ELP4: variants seen among roughly 807,000 people sequenced by gnomAD.
The protein encoded by ELP4 is elongator acetyltransferase complex subunit 4, also known as elongator complex protein 4.
Under a neutral mutation model 48.9 loss-of-function variants are expected in ELP4, and 51 were observed. The observed-to-expected ratio is 1.04, with a 90% CI of 0.83 to 1.32. The LOEUF is 1.32. ELP4 is among the 40% of genes most tolerant of loss of function. The pLI is 0.00. For missense variants in ELP4, 519 were observed against 514.6 expected (o/e 1.01, Z -0.08); for synonymous variants, 210 against 189.2 (o/e 1.11, Z -0.90).
intron 9 of ELP4, among the ~76,000 whole-genome samples, chr11:31,687,928 A>G (rs2134133754): frequency 6.6e-6 from 1 of 152,330 alleles, no homozygotes; most frequent in South Asian, 2.1e-4. Context: ...CCATGAATGC[A>G]CAGGATTAAA....
At chr11:31,763,303 C>T (rs1023603147) in intron 9 of ELP4, 1 of 997,276 alleles carries the variant, frequency 1.0e-6, no homozygotes. Context: ...TAAAAAGATA[C>T]ACAATTGAGA....
At chr11:31,561,737 C>T (rs1310522901) in intron 3 of ELP4, among the ~76,000 whole-genome samples, 1 of 152,142 alleles carries the variant, frequency 6.6e-6, no homozygotes, top group East Asian at 1.9e-4. Flanking sequence ...AGCCACCATG[C>T]CTGGCCTGAA....
At chr11:31,706,135 A>G (rs921839976) in intron 9 of ELP4, among the ~76,000 whole-genome samples, 2 of 152,182 alleles carry the variant, frequency 1.3e-5, no homozygotes, top group Non-Finnish European at 2.9e-5. Flanking sequence ...ATTGACATAT[A>G]ATAATTGTAC....
intron 9 of ELP4, among the ~76,000 whole-genome samples, chr11:31,770,510 A>G (rs1022386656): frequency 6.6e-6 from 1 of 151,348 alleles, no homozygotes; most frequent in African/African-American, 2.4e-5. Context: ...TGTTACCTAA[A>G]TGATTTTTTT....
chr11:31,641,921 G>A (rs185863047), intron 7 of ELP4, among the ~76,000 whole-genome samples: 11 of 152,048 alleles, frequency 7.2e-5, no homozygotes, highest in East Asian at 1.9e-4. Context: ...AAGGCAGGGC[G>A]TGAGCTTTTG....
intron 3 of ELP4, among the ~76,000 whole-genome samples, chr11:31,583,290 C>A (rs764420414): frequency 6.6e-6 from 1 of 152,024 alleles, no homozygotes; most frequent in Non-Finnish European, 1.5e-5. Context: ...ATTCTCTATT[C>A]TTTTCTGCAT....
Position 31,789,349 on chromosome 11 carries a change from T to G in ELP4, c.*5825T>G, listed in dbSNP as rs1384904968. On this transcript the variant is annotated 3_prime_UTR_variant, in exon 10 of 10. Transcript: ENST00000640961. ...TTTTTTTCTTCCTTGAATTTATATC[T>G]TACCCTTTTTTGCACATAAACTTCA... The G allele has an allele frequency of 7.4e-6, 2 of 270,528 alleles. No individual in the cohort carries two copies. The highest frequency in any genetic ancestry group is 4.3e-5 in the African/African-American group (2 of 46,256). 16.8% of individuals were successfully genotyped at this position (270,528 alleles called of 1,614,324 possible).
At chr11:31,604,337 T>G (rs1373021671) in intron 5 of ELP4, among the ~76,000 whole-genome samples, 1 of 151,868 alleles carries the variant, frequency 6.6e-6, no homozygotes, top group Non-Finnish European at 1.5e-5. Context: ...TTTCAGAGCG[T>G]AAACAAGTAT....
chr11:31,509,986 CCAG>C lies in ELP4; in HGVS notation c.204_206del (p.Ala69del), dbSNP rs1326454916. ...ACAGCTGCTGGTATCAACCGGGCTC[CCAG>C]CCCTAGACCAGCTCTTAGGTCGGTT... On this transcript the variant is annotated inframe_deletion, in exon 1 of 10. Coordinates refer to ENST00000640961, the MANE Select transcript of ELP4 (RefSeq NM_019040.5). 6.2e-7 allele frequency: 1 copy of C among 1,612,032 alleles called. No homozygotes were observed. The highest frequency in any genetic ancestry group is 1.3e-5 in the African/African-American group (1 of 74,856).
intron 9 of ELP4, among the ~76,000 whole-genome samples, chr11:31,655,709 C>T (rs1458553259): frequency 6.6e-6 from 1 of 151,934 alleles, no homozygotes; most frequent in African/African-American, 2.4e-5. Context: ...TGCCAATTTC[C>T]CTTTGATTTT....
chr11:31,588,865 C>T (rs1297696254), intron 3 of ELP4, among the ~76,000 whole-genome samples: 1 of 152,156 alleles, frequency 6.6e-6, no homozygotes, highest in Non-Finnish European at 1.5e-5. Context: ...CACCAGTCAT[C>T]CCAGCTGTTC....
intron 8 of ELP4, 145 bp downstream of exon 8, chr11:31,647,994 T>G (rs1017083398): frequency 1.8e-6 from 1 of 551,436 alleles, no homozygotes; most frequent in African/African-American, 1.9e-5. Flanking sequence ...CTGTCCAGTC[T>G]TCCATGGCAG....
At chr11:31,711,605 A>T (rs1946744245) in intron 9 of ELP4, among the ~76,000 whole-genome samples, 1 of 152,166 alleles carries the variant, frequency 6.6e-6, no homozygotes, top group Non-Finnish European at 1.5e-5. Flanking sequence ...CGAATATTAT[A>T]TATTTTTCTT....
intron 5 of ELP4, among the ~76,000 whole-genome samples, chr11:31,612,683 A>C (rs1470643116): frequency 1.3e-5 from 2 of 152,186 alleles, no homozygotes; most frequent in African/African-American, 4.8e-5. Flanking sequence ...GTGGAGGTAA[A>C]TGAAGAAAGC....
intron 2 of ELP4, among the ~76,000 whole-genome samples, chr11:31,538,906 C>T (rs1446007816): frequency 6.6e-6 from 1 of 152,000 alleles, no homozygotes; most frequent in Non-Finnish European, 1.5e-5. Flanking sequence ...ATTATGACCT[C>T]CTAAAATTTG....
At chr11:31,535,268 A>C (rs1956481290) in intron 2 of ELP4, among the ~76,000 whole-genome samples, 1 of 152,234 alleles carries the variant, frequency 6.6e-6, no homozygotes, top group Non-Finnish European at 1.5e-5. Flanking sequence ...GTCATACTTT[A>C]GGGAATTGTT....
intron 9 of ELP4, among the ~76,000 whole-genome samples, chr11:31,710,267 T>C (rs1177862665): frequency 6.6e-6 from 1 of 152,190 alleles, no homozygotes; most frequent in Non-Finnish European, 1.5e-5. Context: ...AAGATTTGTA[T>C]GGACAGAAAG....
chr11:31,572,149 G>A (rs1344025628), intron 3 of ELP4, among the ~76,000 whole-genome samples: 1 of 152,150 alleles, frequency 6.6e-6, no homozygotes. Context: ...GTTTAGTGTA[G>A]CCACCTTCAT....
intron 5 of ELP4, among the ~76,000 whole-genome samples, chr11:31,613,538 A>G (rs1475069067): frequency 1.3e-5 from 2 of 152,092 alleles, no homozygotes; most frequent in African/African-American, 4.8e-5. Flanking sequence ...CATACTTCTT[A>G]ATATCCTGCA....
Sources: gnomAD v4.1 joint callset for allele counts (sites outside exome capture counted in the v4.1 genomes callset) on GRCh38, gnomAD v4.1.1 for gene constraint, MANE v1.5 for transcripts, NCBI Gene and HGNC (gene_info 2026-07-23, HGNC 2026-07-21) for gene names.